The following RIF1 variants were observed in gnomAD, a reference collection of about 807,000 sequenced individuals.
The protein encoded by RIF1 is telomere-associated protein RIF1.
RIF1 carries 45 observed loss-of-function variants against 247.1 expected under a neutral mutation model. The ratio of observed to expected loss-of-function variants is 0.18; its 90% CI spans 0.14 to 0.23. The LOEUF is 0.23. RIF1 is among the 10% of genes least tolerant of loss of function. The pLI is 1.00. For missense variants in RIF1, 2,967 were observed against 2,862.5 expected, an observed-to-expected ratio of 1.04 and a Z score of -0.83; for synonymous variants, 1,087 against 978.8, an observed-to-expected ratio of 1.11 and a Z score of -2.06.
chr2:151,449,721 C>G (rs922442262), intron 20 of RIF1, among the ~76,000 whole-genome samples: 8 of 149,168 alleles, frequency 5.4e-5, no homozygotes, highest in African/African-American at 2.0e-4. Context: ...ATCATTACTA[C>G]ACAGCTTTTT....
downstream of RIF1, among the ~76,000 whole-genome samples, chr2:151,511,079 C>T (rs935012653): frequency 2.0e-5 from 3 of 152,192 alleles, no homozygotes; most frequent in East Asian, 3.9e-4. Flanking sequence ...GAGCAAGTGA[C>T]GTGATCCCAC....
Position 151,465,889 on chromosome 2 carries a change from A to G in RIF1, c.6369A>G (p.Pro2123=), listed in dbSNP as rs1368564666. The G allele has an allele frequency of 3.1e-6, 5 of 1,613,910 alleles. No homozygotes were observed. The highest frequency in any genetic ancestry group is 1.3e-5 in the African/African-American group (1 of 74,942). The change falls in exon 30 of 36, where the codon CCA becomes CCG. Residue 2123 remains proline, a synonymous_variant. Coordinates refer to ENST00000444746, the MANE Select transcript of RIF1 (RefSeq NM_018151.5). ...ATACTTCACAGAAAGTGGAGGAACCATCACAGTGTCTGGCATCTGGAACAG... is the reference window on the plus strand; with the variant it reads ...ATACTTCACAGAAAGTGGAGGAACCGTCACAGTGTCTGGCATCTGGAACAG... ...DHHTSQKVEE[P]SQCLASGTAI... is the part of the protein sequence containing the mutation.
intron 10 of RIF1, chr2:151,498,396 A>G: frequency 1.4e-6 from 2 of 1,405,324 alleles, no homozygotes; most frequent in Non-Finnish European, 2.0e-6. Flanking sequence ...GCAATCAATC[A>G]GTCATTTTCC....
chr2:151,423,911 G>A (rs1488221950), intron 8 of RIF1, among the ~76,000 whole-genome samples: 1 of 152,048 alleles, frequency 6.6e-6, no homozygotes, highest in Non-Finnish European at 1.5e-5. Context: ...CAAAACCTGT[G>A]CATCATCCCT....
the RIF1 span, chr2:151,527,142 A>G: frequency 1.5e-6 from 1 of 678,848 alleles, no homozygotes; most frequent in Non-Finnish European, 2.5e-6. Flanking sequence ...TACCAGAATG[A>G]GGAGAAGAGC....
chr2:151,486,112 A>G (rs1427525698), downstream of RIF1, among the ~76,000 whole-genome samples: 2 of 152,222 alleles, frequency 1.3e-5, no homozygotes, highest in Admixed American at 6.5e-5. Context: ...CAAGTCATGT[A>G]TCTGATAGGC....
intron 15 of RIF1, 135 bp downstream of exon 15, chr2:151,440,262 C>G (rs947046122): frequency 1.1e-4 from 66 of 622,102 alleles, no homozygotes; most frequent in Non-Finnish European, 3.1e-5. Context: ...AGTCCTATTG[C>G]AATAAGTGCC....
rs777190302 is a variant in RIF1 at position 151,457,933 on chromosome 2, T to C, written c.2825T>C (p.Val942Ala). 61 of 1,613,654 alleles carry C rather than the reference T, an allele frequency of 3.8e-5. No individual in the cohort carries two copies. In the East Asian group the frequency reaches 8.7e-4, roughly 23 times the overall value. Residue 942 changes from valine (V) to alanine (A), a missense_variant, in exon 24 of 36, where the codon GTG becomes GCG. Val to Ala is a moderately conservative substitution (Grantham distance 64, BLOSUM62 0). Coordinates refer to ENST00000444746, the MANE Select transcript of RIF1 (RefSeq NM_018151.5). ...AQFWNATFAKVMMLVYPEELK... is the reference protein window; with the variant it reads ...AQFWNATFAKAMMLVYPEELK... ...TTCTGGAATGCCACTTTTGCCAAAG[T>C]GATGATGTTGGTTTATCCTGAAGAG... is the stretch of plus-strand genomic sequence containing the variant.
At position 151,478,783 on chromosome 2, in the gene RIF1, C is replaced by T. The variant is rs2049050234; in HGVS notation, c.*3712C>T. On this transcript the variant is annotated 3_prime_UTR_variant, in exon 36 of 36. Transcript: ENST00000444746. ...TCAGTAAGAAAGGCCTAGGTTTCAT[C>T]TCATATTCTTCATAATTGATTTTCA... 6.6e-6 allele frequency: 1 copy of T among 152,036 alleles called. No homozygotes were observed. Among genetic ancestry groups the T allele is most frequent in the African/African-American group, 2.4e-5 (1 of 41,374 alleles). The allele number at this position is 152,036 out of a possible 1,614,324, so 9.4% of individuals were successfully genotyped here. A position where few individuals can be genotyped will look rare whatever the true frequency, so the allele number is the denominator to read the frequency against.
At chr2:151,534,372 A>C in the RIF1 span, 1 of 1,501,338 alleles carries the variant, frequency 6.7e-7, no homozygotes, top group Non-Finnish European at 9.2e-7. Context: ...AAGGCTACAC[A>C]AAAATGTCTC....
chr2:151,425,403 A>G (rs977239436), intron 8 of RIF1, among the ~76,000 whole-genome samples: 1 of 151,936 alleles, frequency 6.6e-6, no homozygotes, highest in African/African-American at 2.4e-5. Context: ...TATAATATAT[A>G]TATTTTTTGT....
At chr2:151,506,111 G>A in intron 12 of RIF1, 5 of 1,437,856 alleles carry the variant, frequency 3.5e-6, no homozygotes, top group Non-Finnish European at 4.9e-6. Context: ...ATAGGTCATT[G>A]TAAATTATCA....
At position 151,480,319 on chromosome 2, in the gene RIF1, GA is replaced by G. The variant is rs1439704035; in HGVS notation, c.*5250del. 1 of 152,172 alleles carries G rather than the reference GA, an allele frequency of 6.6e-6. No individual in the cohort carries two copies. The highest frequency in any genetic ancestry group is 1.5e-5 in the Non-Finnish European group (1 of 68,022). 9.4% of individuals were successfully genotyped at this position (152,172 alleles called of 1,614,324 possible). A position where few individuals can be genotyped will look rare whatever the true frequency, so the allele number is the denominator to read the frequency against. On this transcript the variant is annotated 3_prime_UTR_variant, in exon 36 of 36. Transcript: ENST00000444746. ...CCAATTTATAATTGTAGATAAAGCT[GA>G]ATTTACTGGGCAGCAAGCTTATATG...
chr2:151,422,192 A>G (rs747638259), intron 7 of RIF1, among the ~76,000 whole-genome samples: 1 of 152,160 alleles, frequency 6.6e-6, no homozygotes, highest in Non-Finnish European at 1.5e-5. Flanking sequence ...AATTCTTTAT[A>G]TAAATTTGAG....
At chr2:151,487,335 TTAG>T (rs1298088253) in intron 9 of RIF1, among the ~76,000 whole-genome samples, 1 of 152,202 alleles carries the variant, frequency 6.6e-6, no homozygotes, top group African/African-American at 2.4e-5. Flanking sequence ...CAGCCACTGG[TTAG>T]TAGTTTTGGA....
the RIF1 span, among the ~76,000 whole-genome samples, chr2:151,523,064 T>G: frequency 3.9e-5 from 6 of 152,214 alleles, no homozygotes; most frequent in Non-Finnish European, 8.8e-5. Context: ...AATTTCAACA[T>G]CATAGTCGTT....
At chr2:151,425,732 T>A (rs1025009587) in intron 8 of RIF1, among the ~76,000 whole-genome samples, 11 of 143,152 alleles carry the variant, frequency 7.7e-5, no homozygotes, top group African/African-American at 2.9e-4. Context: ...AGTGGCATGA[T>A]CTCGGCTCAC....
intron 9 of RIF1, among the ~76,000 whole-genome samples, chr2:151,494,694 G>A (rs2058957822): frequency 6.6e-6 from 1 of 152,104 alleles, no homozygotes; most frequent in Non-Finnish European, 1.5e-5. Flanking sequence ...TGTCACCCAG[G>A]CTGGAGTGCA....
intron 10 of RIF1, chr2:151,496,144 A>T: frequency 9.6e-7 from 1 of 1,045,018 alleles, no homozygotes; most frequent in South Asian, 1.5e-5. Context: ...AAAGGAAAAA[A>T]GGGTAAATTT....
Sources: allele counts gnomAD v4.1 joint callset (sites outside exome capture counted in the v4.1 genomes callset), GRCh38; gene constraint gnomAD v4.1.1; transcripts MANE v1.5; gene names NCBI Gene and HGNC (gene_info 2026-07-23, HGNC 2026-07-21).